CLASP1: variants seen among roughly 807,000 people sequenced by gnomAD.
The protein encoded by CLASP1 is cytoplasmic linker associated protein 1.
CLASP1 carries 38 observed loss-of-function variants against 192.3 expected under a neutral mutation model. That is an observed-to-expected ratio of 0.20 (90% CI 0.15 to 0.26). CLASP1 has a LOEUF of 0.26. Among genes scored for constraint, CLASP1 ranks in the 10% least tolerant of loss-of-function variants. The pLI is 1.00. For synonymous variants in CLASP1, 691 were observed against 712.8 expected (o/e 0.97, Z 0.49); for missense variants, 1,433 against 1,932.5 (o/e 0.74, Z 4.85).
intron 28 of CLASP1, among the ~76,000 whole-genome samples, chr2:121,398,691 G>T (rs1274748796): frequency 6.6e-6 from 1 of 151,618 alleles, no homozygotes; most frequent in African/African-American, 2.4e-5. Flanking sequence ...TGCCTTTCTA[G>T]GGATTCGCTC....
chr2:121,430,948 C>T (rs71424387), intron 19 of CLASP1, among the ~76,000 whole-genome samples: 12,358 of 150,718 alleles, frequency 0.082, 575 homozygotes, highest in African/African-American at 0.12. Flanking sequence ...CATTAGTGAC[C>T]AGACTAGTAT....
At chr2:121,359,822 T>C (rs899131123) in intron 37 of CLASP1, among the ~76,000 whole-genome samples, 1 of 152,256 alleles carries the variant, frequency 6.6e-6, no homozygotes, top group African/African-American at 2.4e-5. Flanking sequence ...TTCATCTATC[T>C]TGCTTACTAT....
chr2:121,350,364 A>G (rs1422346730), intron 37 of CLASP1, among the ~76,000 whole-genome samples: 1 of 152,158 alleles, frequency 6.6e-6, no homozygotes, highest in Non-Finnish European at 1.5e-5. Context: ...AGTCTGTACA[A>G]GTCAGGGAGT....
chr2:121,645,003 T>C (rs976954390), intron 1 of CLASP1, among the ~76,000 whole-genome samples: 4 of 147,636 alleles, frequency 2.7e-5, no homozygotes, highest in Non-Finnish European at 6.0e-5. Flanking sequence ...AAAGAAAGCA[T>C]GGTGAGCCAT....
chr2:121,383,907 T>C (rs571684612), intron 32 of CLASP1, among the ~76,000 whole-genome samples: 79 of 151,350 alleles, frequency 5.2e-4, no homozygotes, highest in Non-Finnish European at 9.0e-4. Context: ...TCTAACGGAA[T>C]GTTTTACAAA....
intron 39 of CLASP1, 69 bp from the exon 41 acceptor site, chr2:121,341,016 A>C (rs1444452673): frequency 9.8e-7 from 1 of 1,019,808 alleles, no homozygotes; most frequent in African/African-American, 1.6e-5. Flanking sequence ...CAGCAAAAAG[A>C]ATCCCAGGTG....
chr2:121,431,085 C>T (rs1429075621), intron 19 of CLASP1, among the ~76,000 whole-genome samples: 1 of 152,018 alleles, frequency 6.6e-6, no homozygotes, highest in Non-Finnish European at 1.5e-5. Flanking sequence ...CTCCCACTGG[C>T]TTTTATGTTG....
chr2:121,638,323 A>C (rs1470165765), intron 1 of CLASP1, among the ~76,000 whole-genome samples: 1 of 152,144 alleles, frequency 6.6e-6, no homozygotes, highest in Non-Finnish European at 1.5e-5. Context: ...ACAGAAAATG[A>C]CATGTGTTGG....
chr2:121,553,085 C>T (rs1379898861), intron 2 of CLASP1, among the ~76,000 whole-genome samples: 1 of 152,118 alleles, frequency 6.6e-6, no homozygotes, highest in African/African-American at 2.4e-5. Flanking sequence ...CAAACTAATG[C>T]AGAAACAGAA....
At chr2:121,449,673 T>C (rs1355691855) in intron 16 of CLASP1, among the ~76,000 whole-genome samples, 2 of 152,148 alleles carry the variant, frequency 1.3e-5, no homozygotes, top group African/African-American at 4.8e-5. Context: ...ACAAATCCAT[T>C]CCTAATAGTT....
chr2:121,397,946 A>G (rs778210761), intron 29 of CLASP1, among the ~76,000 whole-genome samples: 1 of 152,102 alleles, frequency 6.6e-6, no homozygotes, highest in Non-Finnish European at 1.5e-5. Context: ...ACATTCCAAT[A>G]AGATACCTAT....
At chr2:121,588,211 A>G (rs2061955976) in intron 2 of CLASP1, among the ~76,000 whole-genome samples, 1 of 150,338 alleles carries the variant, frequency 6.7e-6, no homozygotes, top group Non-Finnish European at 1.5e-5. Flanking sequence ...GAACTTCACC[A>G]GTTTAACTCC....
At chr2:121,613,609 A>G (rs1354734114) in intron 1 of CLASP1, among the ~76,000 whole-genome samples, 2 of 136,120 alleles carry the variant, frequency 1.5e-5, no homozygotes, top group Admixed American at 8.1e-5. Flanking sequence ...GAAAAAGCAC[A>G]TGCACAAAGC....
rs863225422 is a variant in CLASP1 at position 121,530,927 on chromosome 2, G to C, written c.196-602C>G. On this transcript the variant is annotated intron_variant, in intron 2 of 39. Coordinates refer to ENST00000263710, the Ensembl canonical transcript of CLASP1. Reference sequence around the variant, plus strand: ...CGCTACTGTCCAATGAGCGCATAGTGAGGGCAGTACTGCTAACGCCTGAAC... The same window carrying C: ...CGCTACTGTCCAATGAGCGCATAGTCAGGGCAGTACTGCTAACGCCTGAAC... 1.4e-6 allele frequency: 1 copy of C among 699,952 alleles called. No homozygotes were observed. Among genetic ancestry groups the C allele is most frequent in the Non-Finnish European group, 2.6e-6 (1 of 384,452 alleles). 43.4% of individuals were successfully genotyped at this position (699,952 alleles called of 1,614,324 possible).
chr2:121,544,902 CTTTTCTT>C (rs1451603115), intron 2 of CLASP1, among the ~76,000 whole-genome samples: 59 of 70,410 alleles, frequency 8.4e-4, no homozygotes, highest in East Asian at 5.5e-3. Flanking sequence ...CTTTTCTTTT[CTTTTCTT>C]TTTTTTTTTT....
chr2:121,519,470 A>C (rs2094406628), intron 6 of CLASP1, among the ~76,000 whole-genome samples: 1 of 152,206 alleles, frequency 6.6e-6, no homozygotes, highest in Admixed American at 6.5e-5. Flanking sequence ...GCACAGCTTT[A>C]CCAGGCCTTC....
chr2:121,599,310 C>A (rs2063512560), intron 2 of CLASP1, among the ~76,000 whole-genome samples: 1 of 150,418 alleles, frequency 6.6e-6, no homozygotes, highest in Admixed American at 6.6e-5. Context: ...AAAAAAACAG[C>A]CGGGCACGGT....
At chr2:121,435,570 G>C (rs554861943) in intron 19 of CLASP1, among the ~76,000 whole-genome samples, 1 of 152,068 alleles carries the variant, frequency 6.6e-6, no homozygotes, top group Non-Finnish European at 1.5e-5. Flanking sequence ...CACCATGCCC[G>C]CCCTATTTTT....
intron 8 of CLASP1, among the ~76,000 whole-genome samples, chr2:121,501,633 AT>A (rs1175944477): frequency 6.6e-6 from 1 of 152,220 alleles, no homozygotes; most frequent in Admixed American, 6.5e-5. Context: ...TAATGAAAGC[AT>A]TTTTAGATCA....
Sources: gnomAD v4.1 joint callset for allele counts (sites outside exome capture counted in the v4.1 genomes callset) on GRCh38, gnomAD v4.1.1 for gene constraint, MANE v1.5 for transcripts, NCBI Gene and HGNC (gene_info 2026-07-23, HGNC 2026-07-21) for gene names.